Variants in SGCG observed in about 807,000 individuals in gnomAD.
SGCG encodes the protein gamma-sarcoglycan.
In SGCG, 26 loss-of-function variants were observed where a neutral mutation model predicts 29.3. That is an observed-to-expected ratio of 0.89 (90% CI 0.65 to 1.23). The LOEUF is 1.23. Ranked by LOEUF, SGCG falls within the 50% of genes most tolerant of loss-of-function variation. The probability of loss-of-function intolerance (pLI) is 0.00; values close to 1 mark genes in which losing one functional copy is unlikely to be tolerated. For missense variants in SGCG, 353 were observed against 356.0 expected (o/e 0.99, Z 0.07); for synonymous variants, 145 against 129.7 (o/e 1.12, Z -0.80).
chr13:23,182,583 G>A (rs1453734734), intron 1 of SGCG, among the ~76,000 whole-genome samples: 1 of 152,020 alleles, frequency 6.6e-6, no homozygotes, highest in Non-Finnish European at 1.5e-5. Flanking sequence ...TCCATCACTT[G>A]CTACTTTGGC....
At chr13:23,240,562 T>C (rs1032201681) in intron 3 of SGCG, among the ~76,000 whole-genome samples, 2 of 152,232 alleles carry the variant, frequency 1.3e-5, no homozygotes, top group African/African-American at 4.8e-5. Flanking sequence ...TAGATCATAT[T>C]TTGAACCATA....
chr13:23,160,757 A>G, the SGCG span, among the ~76,000 whole-genome samples: 2 of 151,914 alleles, frequency 1.3e-5, no homozygotes, highest in African/African-American at 4.8e-5. Context: ...AGACGTCCCT[A>G]TGCCGGTTCC....
At chr13:23,261,469 A>C (rs1880436359) in intron 4 of SGCG, among the ~76,000 whole-genome samples, 2 of 152,110 alleles carry the variant, frequency 1.3e-5, no homozygotes, top group Admixed American at 1.3e-4. Context: ...AAGAAAAACA[A>C]ATTTAAAGAA....
intron 2 of SGCG, among the ~76,000 whole-genome samples, chr13:23,225,809 C>A (rs1199142316): frequency 6.3e-5 from 6 of 94,606 alleles, no homozygotes; most frequent in Non-Finnish European, 1.3e-4. Context: ...ACACACACAC[C>A]CCTACATACA....
intron 3 of SGCG, among the ~76,000 whole-genome samples, chr13:23,247,952 CT>C (rs1219318345): frequency 7.2e-4 from 59 of 81,932 alleles, no homozygotes; most frequent in Non-Finnish European, 3.2e-4. Context: ...ACTCCCATCT[CT>C]TAAAAAAAAA....
At chr13:23,203,250 C>A (rs1290290768) in intron 1 of SGCG, among the ~76,000 whole-genome samples, 1 of 152,196 alleles carries the variant, frequency 6.6e-6, no homozygotes, top group Non-Finnish European at 1.5e-5. Context: ...TGAGCCACTG[C>A]GCCTGGCTGC....
chr13:23,279,435 T>C lies in SGCG; in HGVS notation c.462T>C (p.Asp154=). 1 of 1,613,372 alleles carries C rather than the reference T, an allele frequency of 6.2e-7. No individual in the cohort carries two copies. The change falls in exon 5 of 8, where the codon GAT becomes GAC. Residue 154 remains aspartate, a synonymous_variant. Transcript: ENST00000218867. The part of the protein sequence containing the change: ...SNDGKPLFTV[D]EKEVVVGTDK... ...ACGGCAAGCCACTATTTACTGTAGATGAGAAGGAAGTTGTGGTTGGTACAG... is the reference window on the plus strand; with the variant it reads ...ACGGCAAGCCACTATTTACTGTAGACGAGAAGGAAGTTGTGGTTGGTACAG...
chr13:23,276,693 C>G (rs565568704), intron 4 of SGCG, among the ~76,000 whole-genome samples: 1 of 152,312 alleles, frequency 6.6e-6, no homozygotes, highest in East Asian at 1.9e-4. Context: ...CCTCGGCTTC[C>G]CAAAGTGCTG....
intron 5 of SGCG, among the ~76,000 whole-genome samples, chr13:23,286,350 T>C (rs1242310332): frequency 6.6e-6 from 1 of 152,172 alleles, no homozygotes; most frequent in East Asian, 1.9e-4. Flanking sequence ...GCAAAGCCAC[T>C]AACAAAAGAC....
rs747549369 is a variant in SGCG at position 23,203,794 on chromosome 13, C to T, written c.100C>T (p.Arg34Cys). The change falls in exon 2 of 8, where the codon CGC becomes TGC. Residue 34 changes from arginine (R) to cysteine (C), a missense_variant. By Grantham distance (180) the Arg-to-Cys change is radical (BLOSUM62 -3). Transcript: ENST00000218867. ...AATTGGCATTTATGGCTGGAGAAAG[C>T]GCTGTCTCTACTTGTTTGTTCTTCT... The part of the protein sequence containing the change: ...YKIGIYGWRK[R>C]CLYLFVLLLL... 6.8e-6 allele frequency: 11 copies of T among 1,613,386 alleles called. No individual in the cohort carries two copies. The highest frequency in any genetic ancestry group is 4.0e-5 in the African/African-American group (3 of 74,916).
chr13:23,228,365 T>A (rs1878980146), intron 2 of SGCG, among the ~76,000 whole-genome samples: 1 of 152,198 alleles, frequency 6.6e-6, no homozygotes, highest in South Asian at 2.1e-4. Context: ...GTTTATAGAT[T>A]TATTTTTTAT....
intron 6 of SGCG, among the ~76,000 whole-genome samples, chr13:23,302,002 A>T: frequency 6.6e-6 from 1 of 152,166 alleles, no homozygotes; most frequent in South Asian, 2.1e-4. Context: ...AAATAACATA[A>T]ATCATTTTGA....
At chr13:23,180,545 A>G (rs1462912384), upstream of SGCG, among the ~76,000 whole-genome samples, 1 of 152,228 alleles carries the variant, frequency 6.6e-6, no homozygotes, top group East Asian at 1.9e-4. Flanking sequence ...AGACTAGTAT[A>G]TAGGTAATAG....
intron 2 of SGCG, among the ~76,000 whole-genome samples, chr13:23,223,499 T>G (rs75508542): frequency 0.076 from 11,595 of 152,008 alleles, 539 homozygotes; most frequent in South Asian, 0.1. Flanking sequence ...TTTTAAAGAT[T>G]AGTTCAACAG....
At chr13:23,212,587 C>T (rs1290484736) in intron 2 of SGCG, among the ~76,000 whole-genome samples, 2 of 152,052 alleles carry the variant, frequency 1.3e-5, no homozygotes, top group East Asian at 3.8e-4. Context: ...GGCAAAGTAA[C>T]CTAGAAAAAG....
intron 2 of SGCG, among the ~76,000 whole-genome samples, chr13:23,213,998 G>A (rs1300353822): frequency 6.6e-6 from 1 of 152,196 alleles, no homozygotes; most frequent in Non-Finnish European, 1.5e-5. Context: ...TGACCCAGTT[G>A]TTCCATAGAT....
At chr13:23,302,079 C>A (rs1227661381) in intron 6 of SGCG, among the ~76,000 whole-genome samples, 4 of 151,826 alleles carry the variant, frequency 2.6e-5, no homozygotes, top group African/African-American at 7.3e-5. Flanking sequence ...ATATTTGATG[C>A]CCACCATCAA....
chr13:23,192,315 G>T (rs1483770956), intron 1 of SGCG, among the ~76,000 whole-genome samples: 1 of 152,036 alleles, frequency 6.6e-6, no homozygotes, highest in Non-Finnish European at 1.5e-5. Flanking sequence ...TCTTTTCCCA[G>T]CTGTTCATGG....
intron 4 of SGCG, among the ~76,000 whole-genome samples, chr13:23,266,404 G>T (rs1163883597): frequency 6.6e-6 from 1 of 152,140 alleles, no homozygotes; most frequent in Non-Finnish European, 1.5e-5. Context: ...GACTTGGATG[G>T]AATTGGAGGC....
Sources: allele counts gnomAD v4.1 joint callset (sites outside exome capture counted in the v4.1 genomes callset), GRCh38; gene constraint gnomAD v4.1.1; transcripts MANE v1.5; gene names NCBI Gene and HGNC (gene_info 2026-07-23, HGNC 2026-07-21).